MAPK8IP3: variants seen among roughly 807,000 people sequenced by gnomAD.
The protein encoded by MAPK8IP3 is C-Jun-amino-terminal kinase-interacting protein 3.
MAPK8IP3 carries 49 observed loss-of-function variants against 157.8 expected under a neutral mutation model. That is an observed-to-expected ratio of 0.31 (90% CI 0.25 to 0.39). The LOEUF (loss-of-function observed/expected upper bound fraction) is 0.39. MAPK8IP3 is among the 10% of genes least tolerant of loss of function. The probability of loss-of-function intolerance (pLI) is 1.00; values close to 1 mark genes in which losing one functional copy is unlikely to be tolerated. For synonymous variants in MAPK8IP3, 897 were observed against 777.7 expected (o/e 1.15, Z -2.55); for missense variants, 1,478 against 1,889.4 (o/e 0.78, Z 4.04).
At chr16:1,740,935 C>T (rs560552084) in intron 4 of MAPK8IP3, among the ~76,000 whole-genome samples, 2 of 152,320 alleles carry the variant, frequency 1.3e-5, no homozygotes, top group African/African-American at 2.4e-5. Flanking sequence ...AGCTGGGCAG[C>T]GCCGTCCAGG....
chr16:1,736,113 ACCGT>A (rs1188038753), intron 4 of MAPK8IP3, among the ~76,000 whole-genome samples: 4 of 100,082 alleles, frequency 4.0e-5, no homozygotes, highest in Admixed American at 1.3e-4. Flanking sequence ...CATCCGTGTG[ACCGT>A]CCGTGTGTGT....
intron 9 of MAPK8IP3, 108 bp downstream of exon 9, chr16:1,758,267 C>G (rs539261276): frequency 4.6e-6 from 6 of 1,293,496 alleles, no homozygotes; most frequent in Admixed American, 3.9e-5. Context: ...GACTGCCCCC[C>G]ACGTCGCCGC....
chr16:1,753,944 C>T (rs969539885), intron 8 of MAPK8IP3, among the ~76,000 whole-genome samples: 42 of 151,268 alleles, frequency 2.8e-4, no homozygotes, highest in African/African-American at 9.9e-4. Context: ...GAGGCCGAGG[C>T]GGGTGGGTCA....
At position 1,764,428 on chromosome 16, in the gene MAPK8IP3, A is replaced by G. The variant is rs774897416; in HGVS notation, c.2249A>G (p.Lys750Arg). The G allele has an allele frequency of 2.2e-5, 36 of 1,607,754 alleles. No homozygotes were observed. The highest frequency in any genetic ancestry group is 2.7e-5 in the Non-Finnish European group (32 of 1,178,738). Residue 750 changes from lysine to arginine, a missense_variant, in exon 19 of 32, where the codon AAG becomes AGG. Lys to Arg is a conservative substitution (Grantham distance 26). Transcript: ENST00000610761. The stretch of plus-strand genomic sequence containing the variant: ...GACCGCGAAGGAGACGGCGAGCCCA[A>G]GAGCGCCCACACGTCTCCCGAGAAG... ...TCDREGDGEP[K>R]SAHTSPEKKK... is the part of the protein sequence containing the mutation.
chr16:1,745,266 T>C, intron 5 of MAPK8IP3: 4 of 767,354 alleles, frequency 5.2e-6, no homozygotes, highest in Non-Finnish European at 6.3e-6. Context: ...CAGAAGCGTT[T>C]GTCTGATGTG....
At chr16:1,715,350 A>T (rs2038077755) in intron 1 of MAPK8IP3, among the ~76,000 whole-genome samples, 1 of 152,126 alleles carries the variant, frequency 6.6e-6, no homozygotes, top group East Asian at 1.9e-4. Flanking sequence ...CACCCCCTGC[A>T]CGTCCTCTCT....
At chr16:1,727,790 C>CCCAG (rs1197505410) in intron 2 of MAPK8IP3, among the ~76,000 whole-genome samples, 2 of 152,154 alleles carry the variant, frequency 1.3e-5, no homozygotes, top group African/African-American at 4.8e-5. Flanking sequence ...GATGCGAGAG[C>CCCAG]CCAGCGTAGG....
chr16:1,744,689 G>A (rs1036151505), intron 5 of MAPK8IP3: 8 of 985,350 alleles, frequency 8.1e-6, no homozygotes, highest in African/African-American at 3.5e-5. Context: ...CTTGCTTGAC[G>A]CTCTCTGGCC....
chr16:1,755,449 G>T (rs776716170), intron 8 of MAPK8IP3, among the ~76,000 whole-genome samples: 10 of 152,150 alleles, frequency 6.6e-5, no homozygotes, highest in Non-Finnish European at 1.3e-4. Flanking sequence ...CTTGAGCCTG[G>T]GAGTTCAAGG....
chr16:1,733,318 C>T (rs1016342425), intron 4 of MAPK8IP3, among the ~76,000 whole-genome samples: 2 of 152,116 alleles, frequency 1.3e-5, no homozygotes, highest in African/African-American at 2.4e-5. Flanking sequence ...GGACGCCGGC[C>T]GAGAGCCCAG....
In MAPK8IP3 at chr16:1,747,204, G is replaced by T. The variant is rs751053601; in HGVS notation, c.923G>T (p.Arg308Leu). Residue 308 changes from arginine (R) to leucine (L), a missense_variant, in exon 6 of 32, where the codon CGT becomes CTT. Arg to Leu is a moderately radical substitution (Grantham distance 102). Around this residue, in one of 11 missense-constraint regions of MAPK8IP3, gnomAD observed 315 missense variants for 394.4 expected, o/e 0.80. Coordinates refer to ENST00000610761, the MANE Select transcript of MAPK8IP3 (RefSeq NM_001318852.2). ...GGCGTGGGCTCCAAGAACAGCAAGC[G>T]TGCCCGGGAGAAGCGCGACAGCCGC... ...DYGVGSKNSK[R>L]AREKRDSRNM... 4 of 1,613,820 alleles carry T rather than the reference G, an allele frequency of 2.5e-6. No homozygotes were observed. The South Asian group carries it at 3.3e-5, about 13-fold the overall frequency.
chr16:1,761,705 C>A (rs184774833), intron 13 of MAPK8IP3, among the ~76,000 whole-genome samples: 233 of 138,610 alleles, frequency 1.7e-3, no homozygotes, highest in Admixed American at 4.2e-3. Context: ...TTCACCATTC[C>A]CAGGCGGGGC....
Position 1,763,807 on chromosome 16 carries a change from C to CGGGCGGGGCCCCGCAGAGGCG in MAPK8IP3, c.2025+33_2025+53dup, listed in dbSNP as rs776035587. The CGGGCGGGGCCCCGCAGAGGCG allele has an allele frequency of 4.2e-6, 4 of 941,834 alleles. No homozygotes were observed. The African/African-American group carries it at 8.1e-5, about 19-fold the overall frequency. 58.3% of individuals were successfully genotyped at this position (941,834 alleles called of 1,614,324 possible). A position where few individuals can be genotyped will look rare whatever the true frequency, so the allele number is the denominator to read the frequency against. ...AGGTGCGGGCGGGCGCTGCGGGGAC[C>CGGGCGGGGCCCCGCAGAGGCG]GGGCGGGGCCCCGCAGAGGCGGGGC... On this transcript the variant is annotated intron_variant, in intron 17 of 31. Transcript: ENST00000610761.
Position 1,762,927 on chromosome 16 carries a change from G to A in MAPK8IP3, c.1819G>A (p.Ala607Thr). 6.2e-7 allele frequency: 1 copy of A among 1,612,980 alleles called. No individual in the cohort carries two copies. The highest frequency in any genetic ancestry group is 8.5e-7 in the Non-Finnish European group (1 of 1,179,980). ...VNIHYKSPTT[A>T]GFSQRRNHAM... is the part of the protein sequence containing the mutation. ...CATCCACTACAAGTCACCCACCACT[G>A]CCGGCTTCAGCCAGCGCCGCAACCA... Residue 607 changes from alanine to threonine, a missense_variant, in exon 16 of 32, where the codon GCC (alanine) becomes ACC (threonine). Coordinates refer to ENST00000610761, the MANE Select transcript of MAPK8IP3 (RefSeq NM_001318852.2).
chr16:1,755,364 G>A lies in MAPK8IP3; in HGVS notation c.1217-2784G>A, dbSNP rs918559841. Reference sequence around the variant, plus strand: ...ATTAAAGATCTAAGTACACAATTACGAGGACAACAGAATGCAGCCGGGTGT... The same window carrying A: ...ATTAAAGATCTAAGTACACAATTACAAGGACAACAGAATGCAGCCGGGTGT... On this transcript the variant is annotated intron_variant, in intron 8 of 31. Coordinates refer to ENST00000610761, the MANE Select transcript of MAPK8IP3 (RefSeq NM_001318852.2). 2.6e-5 allele frequency among the ~76,000 whole-genome samples: 4 copies of A among 152,136 alleles called. No individual in the cohort carries two copies. The South Asian group carries it at 6.2e-4, about 24-fold the overall frequency.
In MAPK8IP3 at chr16:1,767,188, T is replaced by C; in HGVS notation, c.3128T>C (p.Leu1043Pro). Residue 1043 changes from leucine to proline, a missense_variant, in exon 26 of 32, where the codon CTG (leucine) becomes CCG (proline). Coordinates refer to ENST00000610761, the MANE Select transcript of MAPK8IP3 (RefSeq NM_001318852.2). ...WDLSNYHLMDLGHPHHSIRCM... is the reference protein window; with the variant it reads ...WDLSNYHLMDPGHPHHSIRCM... Reference sequence around the variant, plus strand: ...CTGAGCAACTATCACCTAATGGACCTGGGCCACCCGCACCACTCCATCCGC... The same window carrying C: ...CTGAGCAACTATCACCTAATGGACCCGGGCCACCCGCACCACTCCATCCGC... 2 of 1,613,314 alleles carry C rather than the reference T, an allele frequency of 1.2e-6. No individual in the cohort carries two copies. Among genetic ancestry groups the C allele is most frequent in the Non-Finnish European group, 1.7e-6 (2 of 1,180,014 alleles).
intron 8 of MAPK8IP3, among the ~76,000 whole-genome samples, chr16:1,753,874 A>C (rs1387994441): frequency 6.6e-6 from 1 of 151,938 alleles, no homozygotes. Context: ...TACGTCTTAG[A>C]ATTGGTATAC....
chr16:1,713,750 A>T (rs1471505835), intron 1 of MAPK8IP3: 2 of 152,256 alleles, frequency 1.3e-5, no homozygotes, highest in Admixed American at 1.3e-4. Context: ...AGGGCACAGG[A>T]TCGACTTTTT....
intron 8 of MAPK8IP3, among the ~76,000 whole-genome samples, chr16:1,755,496 G>A (rs1241648151): frequency 2.0e-5 from 3 of 152,052 alleles, no homozygotes; most frequent in African/African-American, 4.8e-5. Flanking sequence ...GCACTCCAGC[G>A]TGGGGGACAG....
Sources: gnomAD v4.1 joint callset for allele counts (sites outside exome capture counted in the v4.1 genomes callset) on GRCh38, gnomAD v4.1.1 for gene constraint, gnomAD v4.1.1 regional missense constraint, MANE v1.5 for transcripts, NCBI Gene and HGNC (gene_info 2026-07-23, HGNC 2026-07-21) for gene names.